Variants in ERBB4 observed in about 807,000 individuals in gnomAD.
ERBB4 encodes the protein receptor tyrosine-protein kinase erbB-4.
ERBB4 carries 42 observed loss-of-function variants against 158.0 expected under a neutral mutation model. That is an observed-to-expected ratio of 0.27 (90% CI 0.21 to 0.34). The LOEUF is 0.34. ERBB4 is among the 10% of genes least tolerant of loss of function. ERBB4 has a pLI of 1.00. For synonymous variants in ERBB4, 583 were observed against 558.7 expected, an observed-to-expected ratio of 1.04 and a Z score of -0.61; for missense variants, 1,333 against 1,624.1, an observed-to-expected ratio of 0.82 and a Z score of 3.08.
At chr2:211,959,224 G>A (rs1246885954) in intron 2 of ERBB4, among the ~76,000 whole-genome samples, 1 of 151,994 alleles carries the variant, frequency 6.6e-6, no homozygotes, top group Non-Finnish European at 1.5e-5. Flanking sequence ...AGTTGCTGGA[G>A]ACACAGTGGT....
Position 212,019,336 on chromosome 2 carries a change from T to C in ERBB4, c.235-71720A>G, listed in dbSNP as rs538771390. ...AAAATAAACCTTATTTTTCCATATGTGTTTGCTTATTCATAATCTGCCGTT... is the reference window on the plus strand; with the variant it reads ...AAAATAAACCTTATTTTTCCATATGCGTTTGCTTATTCATAATCTGCCGTT... On this transcript the variant is annotated intron_variant, in intron 2 of 27. Coordinates refer to ENST00000342788, the MANE Select transcript of ERBB4 (RefSeq NM_005235.3). Among the ~76,000 whole-genome samples the C allele has an allele frequency of 1.4e-4, 21 of 152,328 alleles. 1 individual carries two copies. In the South Asian group the frequency reaches 4.3e-3, roughly 32 times the overall value.
intron 1 of ERBB4, among the ~76,000 whole-genome samples, chr2:212,413,572 T>C (rs1026631423): frequency 3.3e-5 from 5 of 152,154 alleles, no homozygotes; most frequent in Non-Finnish European, 7.4e-5. Flanking sequence ...GTATACCTTA[T>C]TTGTCTTATA....
Position 211,684,280 on chromosome 2 carries a change from G to A in ERBB4, c.1490-5096C>T, listed in dbSNP as rs143745948. Among the ~76,000 whole-genome samples the A allele has an allele frequency of 6.8e-3, 1,037 of 151,866 alleles. 12 individuals are homozygous for A. The highest frequency in any genetic ancestry group is 9.7e-3 in the Non-Finnish European group (659 of 67,914). The stretch of plus-strand genomic sequence containing the variant: ...CAGCATGGCCAACATGATGAAACCC[G>A]ATCTCTACTAAAAATACAAAATTAG... On this transcript the variant is annotated intron_variant, in intron 12 of 27. Transcript: ENST00000342788.
chr2:211,389,615 T>C (rs2062760398), intron 25 of ERBB4, among the ~76,000 whole-genome samples: 1 of 152,188 alleles, frequency 6.6e-6, no homozygotes, highest in African/African-American at 2.4e-5. Flanking sequence ...TCAAAGATTA[T>C]GGCATGGAAA....
At chr2:211,523,773 G>A (rs1258631645) in intron 20 of ERBB4, among the ~76,000 whole-genome samples, 1 of 152,084 alleles carries the variant, frequency 6.6e-6, no homozygotes. Flanking sequence ...AAAGAACAAA[G>A]CTTCCACAGT....
chr2:211,556,408 G>T (rs1030938088), intron 20 of ERBB4, among the ~76,000 whole-genome samples: 1 of 152,116 alleles, frequency 6.6e-6, no homozygotes, highest in African/African-American at 2.4e-5. Context: ...AAGGTCTTCA[G>T]GACCTAAATT....
At chr2:212,450,821 G>GAAAAAAAAAAAAAAAA (rs57931477) in intron 1 of ERBB4, among the ~76,000 whole-genome samples, 2 of 92,854 alleles carry the variant, frequency 2.2e-5, no homozygotes, top group Non-Finnish European at 4.4e-5. Flanking sequence ...TTTCAGCCGA[G>GAAAAAAAAAAAAAAAA]AAAAAAAAAA....
chr2:212,274,495 A>C (rs952465753), intron 1 of ERBB4, among the ~76,000 whole-genome samples: 3 of 151,860 alleles, frequency 2.0e-5, no homozygotes, highest in African/African-American at 7.2e-5. Flanking sequence ...ACTTAAGCTC[A>C]CCACAATAGC....
At chr2:211,540,526 G>GT (rs1422470490) in intron 20 of ERBB4, among the ~76,000 whole-genome samples, 1 of 151,306 alleles carries the variant, frequency 6.6e-6, no homozygotes, top group Non-Finnish European at 1.5e-5. Context: ...GTTTTGTTTT[G>GT]TTTTTTGGTG....
intron 2 of ERBB4, among the ~76,000 whole-genome samples, chr2:212,010,234 A>G (rs994156487): frequency 2.6e-5 from 4 of 152,182 alleles, no homozygotes; most frequent in Admixed American, 6.5e-5. Flanking sequence ...TCTTGAAGAC[A>G]TGGATAAGGT....
chr2:212,166,536 C>T (rs1405816870), intron 1 of ERBB4, among the ~76,000 whole-genome samples: 1 of 150,168 alleles, frequency 6.7e-6, no homozygotes, highest in Admixed American at 6.6e-5. Context: ...GATTCATTGA[C>T]ATTCCCATCA....
At chr2:212,187,670 G>A (rs188769040) in intron 1 of ERBB4, among the ~76,000 whole-genome samples, 158 of 152,080 alleles carry the variant, frequency 1.0e-3, no homozygotes, top group African/African-American at 3.7e-3. Context: ...TAGAATTAAT[G>A]GCATGCAACT....
chr2:212,429,115 C>T (rs1211216807), intron 1 of ERBB4: 3 of 152,322 alleles, frequency 2.0e-5, no homozygotes, highest in Non-Finnish European at 4.4e-5. Context: ...CCCAGCAAGA[C>T]TAAAGCAGGG....
At chr2:211,763,072 T>C (rs2075454559) in intron 4 of ERBB4, among the ~76,000 whole-genome samples, 1 of 152,144 alleles carries the variant, frequency 6.6e-6, no homozygotes, top group South Asian at 2.1e-4. Flanking sequence ...TGTGTGTGTC[T>C]GGAGACATGA....
chr2:212,024,997 T>C (rs1277614646), intron 2 of ERBB4, among the ~76,000 whole-genome samples: 1 of 151,848 alleles, frequency 6.6e-6, no homozygotes, highest in Non-Finnish European at 1.5e-5. Flanking sequence ...AGTACCTCCT[T>C]TAAAAAGTTA....
chr2:211,910,527 G>A lies in ERBB4; in HGVS notation c.421+36903C>T, dbSNP rs549769849. Among the ~76,000 whole-genome samples the A allele has an allele frequency of 2.0e-5, 3 of 151,586 alleles. No individual in the cohort carries two copies. The East Asian group carries it at 5.9e-4, about 30-fold the overall frequency. ...CTTATAAGTGGGAGATAAATAATGA[G>A]AACACATAGACACATAGAGAGGAAT... On this transcript the variant is annotated intron_variant, in intron 3 of 27. Transcript: ENST00000342788.
intron 16 of ERBB4, among the ~76,000 whole-genome samples, chr2:211,640,406 T>C (rs940234674): frequency 6.6e-6 from 1 of 152,098 alleles, no homozygotes; most frequent in Non-Finnish European, 1.5e-5. Flanking sequence ...AATACCAGGA[T>C]TTTTGGACAT....
chr2:212,525,165 G>A (rs569781197), intron 1 of ERBB4, among the ~76,000 whole-genome samples: 6 of 151,958 alleles, frequency 3.9e-5, no homozygotes, highest in South Asian at 4.2e-4. Flanking sequence ...ATTTGAAAAC[G>A]TCAAAAAGAG....
intron 20 of ERBB4, among the ~76,000 whole-genome samples, chr2:211,476,074 C>A (rs1177602330): frequency 1.3e-5 from 2 of 152,014 alleles, no homozygotes; most frequent in Non-Finnish European, 2.9e-5. Flanking sequence ...TATATGTGAT[C>A]AGCAATTCTA....
Sources: allele counts gnomAD v4.1 joint callset (sites outside exome capture counted in the v4.1 genomes callset), GRCh38; gene constraint gnomAD v4.1.1; transcripts MANE v1.5; gene names NCBI Gene and HGNC (gene_info 2026-07-23, HGNC 2026-07-21).